CSMD1: variants seen among roughly 807,000 people sequenced by gnomAD.
The protein encoded by CSMD1 is CUB and sushi domain-containing protein 1.
CSMD1 carries 213 observed loss-of-function variants against 417.5 expected under a neutral mutation model. That is an observed-to-expected ratio of 0.51 (90% CI 0.46 to 0.57). The LOEUF (loss-of-function observed/expected upper bound fraction) is 0.57. Among genes scored for constraint, CSMD1 ranks in the 20% least tolerant of loss-of-function variants. The pLI, the probability that CSMD1 is intolerant of heterozygous loss-of-function variation, is 0.00. For missense variants in CSMD1, 6,923 were observed against 4,529.7 expected (o/e 1.53, Z -15.17); for synonymous variants, 2,862 against 1,736.8 (o/e 1.65, Z -16.11).
At chr8:4,464,534 G>C (rs927160463) in intron 2 of CSMD1, among the ~76,000 whole-genome samples, 2 of 151,944 alleles carry the variant, frequency 1.3e-5, no homozygotes, top group African/African-American at 4.8e-5. Context: ...ATTCAATATT[G>C]AACTAAAAGT....
chr8:4,624,027 C>G (rs553018440), intron 2 of CSMD1, among the ~76,000 whole-genome samples: 1 of 152,064 alleles, frequency 6.6e-6, no homozygotes, highest in Admixed American at 6.5e-5. Flanking sequence ...AACTAAAGGA[C>G]TCATTCATCA....
At chr8:3,416,181 A>G (rs61260589) in intron 12 of CSMD1, among the ~76,000 whole-genome samples, 1 of 2,472 alleles carries the variant, frequency 4.0e-4, no homozygotes, top group Non-Finnish European at 2.6e-3. Flanking sequence ...GGCGCCTGTA[A>G]TTCCCAGCTA....
At chr8:4,416,592 T>C (rs1428993847) in intron 3 of CSMD1, among the ~76,000 whole-genome samples, 1 of 152,084 alleles carries the variant, frequency 6.6e-6, no homozygotes, top group Non-Finnish European at 1.5e-5. Context: ...GGGCAACTAT[T>C]ATAAAATAGA....
chr8:3,591,091 A>G (rs544147273), intron 8 of CSMD1, among the ~76,000 whole-genome samples: 5 of 152,320 alleles, frequency 3.3e-5, no homozygotes, highest in African/African-American at 1.2e-4. Context: ...TAGATTAATT[A>G]CGTTGCACAA....
chr8:3,027,443 TG>T (rs1444886306), intron 51 of CSMD1, among the ~76,000 whole-genome samples: 1 of 152,146 alleles, frequency 6.6e-6, no homozygotes, highest in Non-Finnish European at 1.5e-5. Flanking sequence ...ATGAAAAAGC[TG>T]TGTAAAAGGG....
At chr8:3,669,428 G>T (rs1219979087) in intron 7 of CSMD1, among the ~76,000 whole-genome samples, 1 of 152,274 alleles carries the variant, frequency 6.6e-6, no homozygotes, top group East Asian at 1.9e-4. Context: ...ACACTGTAGT[G>T]AGGGACTCCA....
rs147550486 is a variant in CSMD1 at position 3,741,858 on chromosome 8, T to C, written c.931+12072A>G. 5.1e-3 allele frequency among the ~76,000 whole-genome samples: 778 copies of C among 152,322 alleles called. 10 individuals carry two copies. The highest frequency in any genetic ancestry group is 0.017 in the African/African-American group (723 of 41,578). On this transcript the variant is annotated intron_variant, in intron 6 of 69. Coordinates refer to ENST00000635120, the MANE Select transcript of CSMD1 (RefSeq NM_033225.6). The stretch of plus-strand genomic sequence containing the variant: ...TCAAGTCGGCTTTAGCAAACTCTTG[T>C]GGACCAAAGGTAAAGGTTCCAATTC...
chr8:4,415,292 G>C (rs1030230008), intron 3 of CSMD1, among the ~76,000 whole-genome samples: 5 of 152,116 alleles, frequency 3.3e-5, no homozygotes, highest in Non-Finnish European at 5.9e-5. Flanking sequence ...ACATTGCTAA[G>C]CATTCTCAAA....
rs1271332337 is a variant in CSMD1, at chr8:4,349,824, T to C, written c.415+70129A>G. Among the ~76,000 whole-genome samples the C allele has an allele frequency of 2.4e-5, 3 of 127,408 alleles. No individual in the cohort carries two copies. The East Asian group carries it at 7.3e-4, about 31-fold the overall frequency. 83.6% of individuals were successfully genotyped at this position (127,408 alleles called of 152,430 possible). ...AAAATTAAAATATGATATGACCTTTTTTTTTTTTTTTTAAGTTTAGGTTAC... is the reference window on the plus strand; with the variant it reads ...AAAATTAAAATATGATATGACCTTTCTTTTTTTTTTTTAAGTTTAGGTTAC... On this transcript the variant is annotated intron_variant, in intron 3 of 69. Coordinates refer to ENST00000635120, the MANE Select transcript of CSMD1 (RefSeq NM_033225.6).
At chr8:4,955,946 T>C (rs1334093050) in intron 1 of CSMD1, among the ~76,000 whole-genome samples, 3 of 152,188 alleles carry the variant, frequency 2.0e-5, no homozygotes, top group African/African-American at 7.2e-5. Context: ...GATGAATGGC[T>C]GAGTTTGAGA....
At chr8:3,542,551 G>C (rs1347309777) in intron 10 of CSMD1, among the ~76,000 whole-genome samples, 1 of 152,118 alleles carries the variant, frequency 6.6e-6, no homozygotes, top group Non-Finnish European at 1.5e-5. Context: ...GAAGGAACAC[G>C]GAACAGGGTT....
intron 5 of CSMD1, among the ~76,000 whole-genome samples, chr8:3,800,595 A>G (rs991315570): frequency 1.3e-4 from 20 of 152,148 alleles, no homozygotes; most frequent in Admixed American, 1.2e-3. Flanking sequence ...TTGAAACTTG[A>G]TCTCCAATGT....
chr8:4,860,378 A>G (rs926536351), intron 1 of CSMD1, among the ~76,000 whole-genome samples: 2 of 151,512 alleles, frequency 1.3e-5, no homozygotes, highest in African/African-American at 4.9e-5. Flanking sequence ...AACCTGCACA[A>G]TGGGCACATG....
chr8:4,897,480 G>T (rs993844812), intron 1 of CSMD1, among the ~76,000 whole-genome samples: 1 of 151,946 alleles, frequency 6.6e-6, no homozygotes, highest in Non-Finnish European at 1.5e-5. Flanking sequence ...GAGTGGTTTG[G>T]GTTGCTGTAG....
intron 8 of CSMD1, among the ~76,000 whole-genome samples, chr8:3,612,145 C>G (rs1801925008): frequency 1.3e-5 from 2 of 151,974 alleles, no homozygotes; most frequent in Non-Finnish European, 1.5e-5. Context: ...TCAAAGAAAG[C>G]TAAAATGGCT....
intron 1 of CSMD1, among the ~76,000 whole-genome samples, chr8:4,912,563 G>A (rs1288105915): frequency 6.6e-6 from 1 of 152,126 alleles, no homozygotes; most frequent in East Asian, 1.9e-4. Flanking sequence ...CTTCACTGGG[G>A]TAGTCTGAAA....
At chr8:4,042,049 A>G (rs1231697197) in intron 3 of CSMD1, among the ~76,000 whole-genome samples, 1 of 152,238 alleles carries the variant, frequency 6.6e-6, no homozygotes, top group Non-Finnish European at 1.5e-5. Flanking sequence ...ATCTCCAAGC[A>G]GACACAAGTA....
At chr8:4,374,493 G>T (rs1802593001) in intron 3 of CSMD1, among the ~76,000 whole-genome samples, 1 of 152,246 alleles carries the variant, frequency 6.6e-6, no homozygotes, top group South Asian at 2.1e-4. Flanking sequence ...ACTGGCAGGA[G>T]TGAGGAGAGA....
chr8:4,245,905 A>C (rs1028791377), intron 3 of CSMD1, among the ~76,000 whole-genome samples: 6 of 152,176 alleles, frequency 3.9e-5, no homozygotes, highest in Admixed American at 3.9e-4. Context: ...ATGGTGCTTT[A>C]GCTAAGGCGT....
Sources: gnomAD v4.1 joint callset for allele counts (sites outside exome capture counted in the v4.1 genomes callset) on GRCh38, gnomAD v4.1.1 for gene constraint, MANE v1.5 for transcripts, NCBI Gene and HGNC (gene_info 2026-07-23, HGNC 2026-07-21) for gene names.